The following SDK1 variants were observed in gnomAD, a reference collection of about 807,000 sequenced individuals.
SDK1 encodes sidekick cell adhesion molecule 1.
A neutral mutation model predicts 245.5 loss-of-function variants in SDK1; 157 were observed. The observed-to-expected ratio is 0.64, with a 90% CI of 0.56 to 0.73. The LOEUF is 0.73. Ranked by LOEUF, SDK1 falls within the 30% of genes least tolerant of loss-of-function variation. SDK1 has a pLI of 0.00. For missense variants in SDK1, 3,583 were observed against 3,002.3 expected (o/e 1.19, Z -4.52); for synonymous variants, 1,647 against 1,278.5 (o/e 1.29, Z -6.15).
chr7:4,181,946 G>A (rs545109724), intron 35 of SDK1, among the ~76,000 whole-genome samples: 36 of 152,070 alleles, frequency 2.4e-4, no homozygotes, highest in Non-Finnish European at 4.9e-4. Context: ...TTGAGACAGC[G>A]TCTTGCTCTG....
chr7:3,796,928 CTAAG>C (rs1285339513), intron 4 of SDK1, among the ~76,000 whole-genome samples: 4 of 152,092 alleles, frequency 2.6e-5, no homozygotes, highest in Middle Eastern at 3.4e-3. Flanking sequence ...ATATACTTAA[CTAAG>C]TTTTATTTTA....
intron 4 of SDK1, among the ~76,000 whole-genome samples, chr7:3,649,682 T>A (rs1336758263): frequency 6.6e-6 from 1 of 152,170 alleles, no homozygotes; most frequent in African/African-American, 2.4e-5. Context: ...GGTTTAGTAC[T>A]GTTATTATCG....
intron 25 of SDK1, among the ~76,000 whole-genome samples, chr7:4,116,858 G>T (rs932029927): frequency 5.9e-5 from 9 of 152,218 alleles, no homozygotes; most frequent in African/African-American, 2.2e-4. Flanking sequence ...GAGAGGACCA[G>T]TGTTTCAGGA....
At chr7:3,595,831 A>G (rs1217501476) in intron 1 of SDK1, among the ~76,000 whole-genome samples, 2 of 53,506 alleles carry the variant, frequency 3.7e-5, no homozygotes, top group Admixed American at 4.2e-4. Flanking sequence ...TTCATCTCAA[A>G]AAAAAAAAAA....
chr7:3,583,305 T>C (rs967749144), intron 1 of SDK1, among the ~76,000 whole-genome samples: 8 of 152,200 alleles, frequency 5.3e-5, no homozygotes, highest in African/African-American at 1.9e-4. Context: ...TAAACAAATT[T>C]TCAGTGCATT....
Position 3,561,475 on chromosome 7 carries a change from G to A in SDK1, c.299-57605G>A, listed in dbSNP as rs189534075. The stretch of plus-strand genomic sequence containing the variant: ...CAAGCAGTGAAACTCGGAGATCTCT[G>A]AGAACATAAGCTTTCTCATGAGCAC... On this transcript the variant is annotated intron_variant, in intron 1 of 44. Transcript: ENST00000404826. Among the ~76,000 whole-genome samples, 122 of 152,302 alleles carry A rather than the reference G, an allele frequency of 8.0e-4. 1 individual carries two copies. Among genetic ancestry groups the A allele is most frequent in the African/African-American group, 2.6e-3 (109 of 41,556 alleles).
At chr7:4,069,032 A>G (rs1034965333) in intron 20 of SDK1, among the ~76,000 whole-genome samples, 17 of 152,090 alleles carry the variant, frequency 1.1e-4, no homozygotes, top group African/African-American at 3.4e-4. Flanking sequence ...AAATTTTTAT[A>G]ATGTCTCTGA....
At chr7:3,996,237 T>C (rs754025702) in intron 14 of SDK1, among the ~76,000 whole-genome samples, 1 of 152,208 alleles carries the variant, frequency 6.6e-6, no homozygotes, top group Non-Finnish European at 1.5e-5. Context: ...GATTATTTAG[T>C]TCCATTGATT....
chr7:3,906,426 G>A (rs545136351), intron 5 of SDK1, among the ~76,000 whole-genome samples: 10 of 152,026 alleles, frequency 6.6e-5, no homozygotes, highest in East Asian at 1.9e-4. Flanking sequence ...CAGAGAGCGC[G>A]CGAGTGCAGG....
At chr7:3,348,072 C>T (rs1214414502) in intron 1 of SDK1, among the ~76,000 whole-genome samples, 1 of 152,084 alleles carries the variant, frequency 6.6e-6, no homozygotes, top group African/African-American at 2.4e-5. Context: ...TCTGTGAGGC[C>T]TTGGTGTGTT....
intron 32 of SDK1, among the ~76,000 whole-genome samples, chr7:4,166,446 CT>C (rs1309312432): frequency 2.0e-5 from 3 of 152,272 alleles, no homozygotes; most frequent in African/African-American, 7.2e-5. Flanking sequence ...CCTGAATGCA[CT>C]TGGCAGGACT....
chr7:4,191,689 G>C (rs1233385019), intron 35 of SDK1, among the ~76,000 whole-genome samples: 1 of 152,234 alleles, frequency 6.6e-6, no homozygotes, highest in African/African-American at 2.4e-5. Context: ...GGGCCTTTGC[G>C]ACCTTCTCTG....
At chr7:3,670,834 C>T (rs1006091508) in intron 4 of SDK1, among the ~76,000 whole-genome samples, 3 of 152,204 alleles carry the variant, frequency 2.0e-5, no homozygotes, top group Admixed American at 1.3e-4. Flanking sequence ...TTTAGGTATC[C>T]CCTTTTACTA....
chr7:3,762,511 G>A (rs1200109216), intron 4 of SDK1, among the ~76,000 whole-genome samples: 1 of 152,156 alleles, frequency 6.6e-6, no homozygotes, highest in Non-Finnish European at 1.5e-5. Context: ...ACCGATACTT[G>A]CTGCAAATGC....
At chr7:3,593,607 T>C (rs1348466584) in intron 1 of SDK1, among the ~76,000 whole-genome samples, 7 of 152,210 alleles carry the variant, frequency 4.6e-5, no homozygotes, top group Admixed American at 4.6e-4. Flanking sequence ...TAGGCACCCA[T>C]GCTTACTGGG....
At chr7:4,182,512 G>A (rs753812574) in intron 35 of SDK1, among the ~76,000 whole-genome samples, 1 of 152,200 alleles carries the variant, frequency 6.6e-6, no homozygotes, top group Admixed American at 6.5e-5. Context: ...ACCCAGGGAC[G>A]TGTCCTGGAG....
At chr7:3,678,941 A>G (rs545728719) in intron 4 of SDK1, among the ~76,000 whole-genome samples, 4 of 152,220 alleles carry the variant, frequency 2.6e-5, no homozygotes, top group South Asian at 4.1e-4. Flanking sequence ...AATGAACAAC[A>G]ACAACAAAAT....
intron 1 of SDK1, among the ~76,000 whole-genome samples, chr7:3,526,035 G>A (rs1178317943): frequency 1.3e-5 from 2 of 152,096 alleles, no homozygotes; most frequent in Non-Finnish European, 2.9e-5. Flanking sequence ...GGGAGTTTGA[G>A]ACCAGCCTAA....
At chr7:3,683,845 G>T (rs748196118) in intron 4 of SDK1, among the ~76,000 whole-genome samples, 1 of 152,174 alleles carries the variant, frequency 6.6e-6, no homozygotes, top group Non-Finnish European at 1.5e-5. Context: ...GACACAAAAT[G>T]CTCCAAGAAC....
Sources: gnomAD v4.1 joint callset for allele counts (sites outside exome capture counted in the v4.1 genomes callset) on GRCh38, gnomAD v4.1.1 for gene constraint, MANE v1.5 for transcripts, NCBI Gene and HGNC (gene_info 2026-07-23, HGNC 2026-07-21) for gene names.